VPS13D: variants seen among roughly 807,000 people sequenced by gnomAD.
VPS13D encodes the protein intermembrane lipid transfer protein VPS13D.
VPS13D carries 187 observed loss-of-function variants against 461.9 expected under a neutral mutation model. The observed-to-expected ratio is 0.40, with a 90% CI of 0.36 to 0.46. The LOEUF is 0.46. Ranked by LOEUF, VPS13D falls within the 20% of genes least tolerant of loss-of-function variation. The pLI, the probability that VPS13D is intolerant of heterozygous loss-of-function variation, is 0.60. For missense variants in VPS13D, 4,711 were observed against 5,364.9 expected, an observed-to-expected ratio of 0.88 and a Z score of 3.81; for synonymous variants, 1,951 against 1,986.3, an observed-to-expected ratio of 0.98 and a Z score of 0.47.
rs1276016692 is a variant in VPS13D at position 12,310,841 on chromosome 1, C to T, written c.6651-613C>T. Among the ~76,000 whole-genome samples, 8 of 125,610 alleles carry T rather than the reference C, an allele frequency of 6.4e-5. No homozygotes were observed. The Admixed American group carries it at 6.5e-4, about 10-fold the overall frequency. The allele number at this position is 125,610 out of a possible 152,430, so 82.4% of individuals were successfully genotyped here. ...CCTCCTTCCCTCCTTCCTTCCTTCC[C>T]TCCTTCCCTCCTTCCTTCCTTCCCT... On this transcript the variant is annotated intron_variant, in intron 27 of 69. Transcript: ENST00000620676.
At chr1:12,296,309 TC>T (rs1436442723) in intron 24 of VPS13D, among the ~76,000 whole-genome samples, 1 of 152,214 alleles carries the variant, frequency 6.6e-6, no homozygotes, top group East Asian at 1.9e-4. Context: ...TTCTTTTAAT[TC>T]ATATCTTTGC....
intron 65 of VPS13D, among the ~76,000 whole-genome samples, chr1:12,436,420 G>T (rs1645061345): frequency 6.6e-6 from 1 of 152,182 alleles, no homozygotes; most frequent in African/African-American, 2.4e-5. Context: ...GCAGCAGCAG[G>T]ACTAGGGAGG....
At chr1:12,236,896 C>T (rs1216917125) in intron 2 of VPS13D, among the ~76,000 whole-genome samples, 1 of 152,042 alleles carries the variant, frequency 6.6e-6, no homozygotes, top group Non-Finnish European at 1.5e-5. Flanking sequence ...TATTAACTAT[C>T]TCGTAAGGTT....
At position 12,508,986 on chromosome 1, in the gene VPS13D, C is replaced by G. The variant is rs1219582590; in HGVS notation, c.13129C>G (p.Leu4377Val). 6.2e-7 allele frequency: 1 copy of G among 1,614,184 alleles called. No homozygotes were observed. The highest frequency in any genetic ancestry group is 1.1e-5 in the South Asian group (1 of 91,060). ...CTATGAACAGCAGCTTATGTTAAGA[C>G]TCAGCGAAAACCGAGAGCAGCTGGA... ...LYYEQQLMLR[L>V]SENREQLELD... The change falls in exon 70 of 70, where the codon CTC becomes GTC. Residue 4377 changes from leucine (L) to valine (V), a missense_variant. By Grantham distance (32) the Leu-to-Val change is conservative (BLOSUM62 1). Transcript: ENST00000620676.
intron 5 of VPS13D, among the ~76,000 whole-genome samples, chr1:12,246,948 A>G (rs372028820): frequency 7.2e-5 from 11 of 152,248 alleles, no homozygotes; most frequent in East Asian, 1.9e-4. Flanking sequence ...ACATTTGTGT[A>G]TAGGGTTTTG....
rs747942620 is a variant in VPS13D, at chr1:12,276,359, G to A, written c.2771G>A (p.Arg924Gln). Residue 924 changes from arginine (R) to glutamine (Q), a missense_variant, in exon 19 of 70, where the codon CGG becomes CAG. Around this residue, in one of 3 missense-constraint regions of VPS13D, gnomAD observed 4,411 missense variants for 4,937.8 expected, o/e 0.89. Transcript: ENST00000620676. The surrounding 1 kb of genome is among the most constrained non-coding windows in gnomAD (Gnocchi z 4.5). Reference protein sequence around the residue: ...KEKIFPQEEQRGSLQDSVMNL... With the variant: ...KEKIFPQEEQQGSLQDSVMNL... ...AAGATTTTTCCCCAGGAGGAGCAGCGGGGAAGTTTGCAAGACTCCGTAATG... is the reference window on the plus strand; with the variant it reads ...AAGATTTTTCCCCAGGAGGAGCAGCAGGGAAGTTTGCAAGACTCCGTAATG... 1.6e-5 allele frequency: 26 copies of A among 1,614,042 alleles called. No homozygotes were observed. Among genetic ancestry groups the A allele is most frequent in the Middle Eastern group, 1.6e-4 (1 of 6,084 alleles).
In VPS13D at chr1:12,401,397, A is replaced by G. The variant is rs898391060; in HGVS notation, c.11785-211A>G. ...GGCCCAGATTGCCTGGGAACCAAAC[A>G]ATAGAATGGCAAACCATCTATTAAA... On this transcript the variant is annotated intron_variant, in intron 61 of 69. Transcript: ENST00000620676. Among the ~76,000 whole-genome samples, 5 of 152,348 alleles carry G rather than the reference A, an allele frequency of 3.3e-5. No homozygotes were observed. The East Asian group carries it at 9.6e-4, about 29-fold the overall frequency.
chr1:12,413,794 T>TA (rs1468001954), intron 63 of VPS13D, among the ~76,000 whole-genome samples: 2 of 151,614 alleles, frequency 1.3e-5, no homozygotes, highest in Non-Finnish European at 2.9e-5. Flanking sequence ...TTTTTTTTTT[T>TA]AAACGATCTA....
At chr1:12,420,638 C>T (rs1037065973) in intron 65 of VPS13D, among the ~76,000 whole-genome samples, 1 of 152,164 alleles carries the variant, frequency 6.6e-6, no homozygotes, top group Admixed American at 6.5e-5. Flanking sequence ...AGATTCTTGC[C>T]TCCAAAGATT....
At position 12,307,086 on chromosome 1, in the gene VPS13D, A is replaced by G. The variant is rs187261535; in HGVS notation, c.6440-1345A>G. On this transcript the variant is annotated intron_variant, in intron 26 of 69. Coordinates refer to ENST00000620676, the MANE Select transcript of VPS13D (RefSeq NM_015378.4). ...TTTTATCTATTCCATGTATTTATCA[A>G]TGTAAGTAACTAATAAAAAACTAAT... Among the ~76,000 whole-genome samples the G allele has an allele frequency of 1.6e-3, 240 of 152,284 alleles. 11 individuals are homozygous for G. The South Asian group carries it at 0.048, about 31-fold the overall frequency.
chr1:12,368,983 A>G (rs6670248), intron 53 of VPS13D, among the ~76,000 whole-genome samples: 12,368 of 152,188 alleles, frequency 0.081, 782 homozygotes, highest in African/African-American at 0.16. Context: ...TTTTCAAGAA[A>G]GTCAATATGG....
rs774511968 is a variant in VPS13D at position 12,322,517 on chromosome 1, CT to C, written c.7705-13del. The C allele has an allele frequency of 9.3e-6, 15 of 1,611,464 alleles. No individual in the cohort carries two copies. The highest frequency in any genetic ancestry group is 1.3e-5 in the Non-Finnish European group (15 of 1,177,920). On this transcript the variant is annotated intron_variant, in intron 33 of 69. Transcript: ENST00000620676. ...CAATGCAGCTTTAAAAAATTGCTAC[CT>C]TTTTTACATTTTGTTAGATTCAGTT...
At chr1:12,446,408 C>G (rs933422755) in intron 65 of VPS13D, among the ~76,000 whole-genome samples, 1 of 149,676 alleles carries the variant, frequency 6.7e-6, no homozygotes, top group Non-Finnish European at 1.5e-5. Flanking sequence ...CAGATCAAGA[C>G]TCCCTCTCAA....
chr1:12,272,017 C>G (rs1181332449), intron 17 of VPS13D, among the ~76,000 whole-genome samples: 3 of 152,138 alleles, frequency 2.0e-5, no homozygotes, highest in African/African-American at 7.2e-5. Flanking sequence ...CATAGTGAGA[C>G]CTTGTCTCTA....
intron 46 of VPS13D, among the ~76,000 whole-genome samples, chr1:12,352,393 C>T (rs1257553943): frequency 1.3e-5 from 2 of 151,940 alleles, no homozygotes; most frequent in Non-Finnish European, 2.9e-5. Context: ...TACAGATCAA[C>T]AATAAAAAGA....
intron 10 of VPS13D, among the ~76,000 whole-genome samples, chr1:12,259,395 A>G (rs1042665819): frequency 2.0e-5 from 3 of 150,242 alleles, no homozygotes; most frequent in Non-Finnish European, 4.4e-5. Context: ...GGCTCACTGC[A>G]ACCTCTGCCT....
intron 50 of VPS13D, among the ~76,000 whole-genome samples, chr1:12,360,306 G>A (rs969710841): frequency 2.6e-5 from 4 of 152,132 alleles, no homozygotes; most frequent in Admixed American, 6.5e-5. Context: ...TTGAAGAATA[G>A]GATAGATAAC....
chr1:12,369,845 T>G (rs1462880891), intron 54 of VPS13D, 143 bp downstream of exon 54: 3 of 740,516 alleles, frequency 4.1e-6, no homozygotes, highest in Non-Finnish European at 6.4e-6. Context: ...TCAGTGTCTA[T>G]CTTAAGAGGT....
chr1:12,274,540 A>C (rs1641551956), intron 18 of VPS13D, among the ~76,000 whole-genome samples: 1 of 152,022 alleles, frequency 6.6e-6, no homozygotes, highest in Non-Finnish European at 1.5e-5. Context: ...TCGAACTCCT[A>C]ACCTCAAGCA....
Sources: allele counts gnomAD v4.1 joint callset (sites outside exome capture counted in the v4.1 genomes callset), GRCh38; gene constraint gnomAD v4.1.1; regional missense constraint gnomAD v4.1.1; non-coding constraint Gnocchi (gnomAD v3.1); transcripts MANE v1.5; gene names NCBI Gene and HGNC (gene_info 2026-07-23, HGNC 2026-07-21).